Variants in CNTLN observed in about 807,000 individuals in gnomAD.
CNTLN encodes the protein centlein, centrosomal protein.
Under a neutral mutation model 180.0 loss-of-function variants are expected in CNTLN, and 212 were observed. That is an observed-to-expected ratio of 1.18 (90% CI 1.05 to 1.32). The LOEUF (loss-of-function observed/expected upper bound fraction) is 1.32. Among genes scored for constraint, CNTLN ranks in the 40% most tolerant of loss-of-function variants. CNTLN has a pLI of 0.00. For missense variants in CNTLN, 2,095 were observed against 1,610.9 expected (o/e 1.30, Z -5.14); for synonymous variants, 722 against 563.1 (o/e 1.28, Z -3.99).
intron 2 of CNTLN, among the ~76,000 whole-genome samples, chr9:17,148,904 T>C (rs1473694477): frequency 6.6e-6 from 1 of 152,176 alleles, no homozygotes; most frequent in East Asian, 1.9e-4. Context: ...TGTGCCCTAG[T>C]GGTTTGCTGC....
chr9:17,244,423 G>T (rs1431448895), intron 5 of CNTLN, among the ~76,000 whole-genome samples: 2 of 151,938 alleles, frequency 1.3e-5, no homozygotes, highest in Admixed American at 1.3e-4. Flanking sequence ...TTGCTATGTT[G>T]CCCAGACTAG....
At chr9:17,487,910 A>G (rs1564146875) in intron 25 of CNTLN, among the ~76,000 whole-genome samples, 1 of 152,134 alleles carries the variant, frequency 6.6e-6, no homozygotes, top group East Asian at 1.9e-4. Flanking sequence ...ACAGCATGTA[A>G]TGTATTCTAA....
chr9:17,258,539 A>G (rs1158059963), intron 5 of CNTLN, among the ~76,000 whole-genome samples: 1 of 150,754 alleles, frequency 6.6e-6, no homozygotes, highest in African/African-American at 2.5e-5. Context: ...ATTTATGGGG[A>G]TGGCATTGAA....
At chr9:17,172,076 T>C (rs181365088) in intron 2 of CNTLN, among the ~76,000 whole-genome samples, 39 of 152,132 alleles carry the variant, frequency 2.6e-4, no homozygotes, top group Non-Finnish European at 5.0e-4. Flanking sequence ...GCAGCTGTAG[T>C]TCTGGGATCT....
At chr9:17,266,618 G>T (rs1001474189) in intron 5 of CNTLN, among the ~76,000 whole-genome samples, 2 of 152,096 alleles carry the variant, frequency 1.3e-5, no homozygotes, top group Non-Finnish European at 2.9e-5. Context: ...TCGTTGATCT[G>T]TTTAGTGTTG....
At chr9:17,348,520 C>G (rs1822099545) in intron 12 of CNTLN, among the ~76,000 whole-genome samples, 1 of 149,490 alleles carries the variant, frequency 6.7e-6, no homozygotes, top group African/African-American at 2.5e-5. Context: ...TGCTTTCTTT[C>G]TTTCTTTCTT....
intron 2 of CNTLN, among the ~76,000 whole-genome samples, chr9:17,145,031 C>T (rs1357852979): frequency 6.7e-5 from 10 of 150,228 alleles, no homozygotes; most frequent in African/African-American, 2.5e-5. Flanking sequence ...TTAGTAGAGA[C>T]GGGGTTTCAC....
chr9:17,200,085 T>G (rs1292985351), intron 2 of CNTLN, among the ~76,000 whole-genome samples: 1 of 152,202 alleles, frequency 6.6e-6, no homozygotes, highest in Non-Finnish European at 1.5e-5. Context: ...CACCATTTAT[T>G]AAATAGGGAA....
chr9:17,514,908 C>T, the CNTLN span, among the ~76,000 whole-genome samples: 1 of 152,148 alleles, frequency 6.6e-6, no homozygotes, highest in Non-Finnish European at 1.5e-5. Flanking sequence ...GAACTAAAGC[C>T]AGCATTTTGA....
At position 17,394,892 on chromosome 9, in the gene CNTLN, AAGTG is replaced by A; in HGVS notation, c.2441_2444del (p.Val814AspfsTer11). ...GCTAAATCCGAGATGGCCACCATGA[AAGTG>A]AGATCTGGACGATATGATTGTAAGA... On this transcript the variant is annotated frameshift_variant, in exon 15 of 26. Transcript: ENST00000380647. LOFTEE classifies it high-confidence loss of function. 6.2e-7 allele frequency: 1 copy of A among 1,614,104 alleles called. No individual in the cohort carries two copies. The highest frequency in any genetic ancestry group is 8.5e-7 in the Non-Finnish European group (1 of 1,179,968).
intron 1 of CNTLN, among the ~76,000 whole-genome samples, chr9:17,139,127 G>A (rs775434726): frequency 2.6e-5 from 4 of 151,618 alleles, no homozygotes; most frequent in African/African-American, 4.8e-5. Context: ...TCGCTCTGTC[G>A]CCCAGGCTGG....
chr9:17,508,406 A>C (rs2593356), downstream of CNTLN, among the ~76,000 whole-genome samples: 149,600 of 152,298 alleles, frequency 0.98, 73,490 homozygotes, highest in Middle Eastern at 1. Context: ...ATTTTTAACT[A>C]AAATATAGAC....
At chr9:17,249,572 A>G (rs1436331061) in intron 5 of CNTLN, among the ~76,000 whole-genome samples, 1 of 151,840 alleles carries the variant, frequency 6.6e-6, no homozygotes, top group Admixed American at 6.6e-5. Context: ...GATGGTCTTG[A>G]TCTCCTGATC....
At chr9:17,314,081 TTAGA>T (rs1819387212) in intron 8 of CNTLN, among the ~76,000 whole-genome samples, 2 of 152,232 alleles carry the variant, frequency 1.3e-5, no homozygotes, top group African/African-American at 2.4e-5. Flanking sequence ...ATTATTCAGA[TTAGA>T]TAGTTTCTAT....
chr9:17,324,496 G>A (rs1820130151), intron 8 of CNTLN, among the ~76,000 whole-genome samples: 1 of 152,078 alleles, frequency 6.6e-6, no homozygotes, highest in South Asian at 2.1e-4. Flanking sequence ...GTAAATTGTG[G>A]AGTTATTCTA....
At chr9:17,436,935 G>A (rs561378024) in intron 18 of CNTLN, among the ~76,000 whole-genome samples, 2 of 152,228 alleles carry the variant, frequency 1.3e-5, no homozygotes, top group South Asian at 4.1e-4. Flanking sequence ...TCCTTGTAGG[G>A]TATTCATTTT....
intron 23 of CNTLN, among the ~76,000 whole-genome samples, chr9:17,479,978 C>T (rs1272187320): frequency 6.6e-6 from 1 of 152,086 alleles, no homozygotes; most frequent in Non-Finnish European, 1.5e-5. Flanking sequence ...TGTCTCTTTC[C>T]AACCCCTTAT....
intron 8 of CNTLN, among the ~76,000 whole-genome samples, chr9:17,320,757 C>G (rs922241338): frequency 7.9e-5 from 12 of 152,208 alleles, no homozygotes; most frequent in Admixed American, 6.5e-5. Flanking sequence ...CCCACCTCAG[C>G]CTCCCAAAGC....
Position 17,492,860 on chromosome 9 carries a change from A to G in CNTLN, c.4119+5794A>G, listed in dbSNP as rs552473773. Among the ~76,000 whole-genome samples, 6 of 152,334 alleles carry G rather than the reference A, an allele frequency of 3.9e-5. No individual in the cohort carries two copies. The South Asian group carries it at 1.2e-3, about 32-fold the overall frequency. ...CAAATGCCCACCGATGAATGAATGG[A>G]TAAACAAAATGTGGTTTATGCATAC... On this transcript the variant is annotated intron_variant, in intron 25 of 25. Transcript: ENST00000380647.
Sources: gnomAD v4.1 joint callset for allele counts (sites outside exome capture counted in the v4.1 genomes callset) on GRCh38, gnomAD v4.1.1 for gene constraint, MANE v1.5 for transcripts, NCBI Gene and HGNC (gene_info 2026-07-23, HGNC 2026-07-21) for gene names.